Variants in CARMIL1 observed in about 807,000 individuals in gnomAD.
CARMIL1 encodes the protein F-actin-uncapping protein LRRC16A.
Under a neutral mutation model 177.1 loss-of-function variants are expected in CARMIL1, and 90 were observed. That is an observed-to-expected ratio of 0.51 (90% confidence interval 0.43 to 0.61). The LOEUF is 0.61. Among genes scored for constraint, CARMIL1 ranks in the 20% least tolerant of loss-of-function variants. CARMIL1 has a pLI of 0.00. For missense variants in CARMIL1, 1,380 were observed against 1,667.0 expected (o/e 0.83, Z 3.00); for synonymous variants, 577 against 606.2 (o/e 0.95, Z 0.71).
rs957762010 is a variant in CARMIL1 at position 25,619,314 on chromosome 6, T to A, written c.3980-133T>A. 1.8e-5 allele frequency: 13 copies of A among 736,564 alleles called. No homozygotes were observed. In the African/African-American group the frequency reaches 2.4e-4, roughly 13 times the overall value. 45.6% of individuals were successfully genotyped at this position (736,564 alleles called of 1,614,324 possible). On this transcript the variant is annotated intron_variant, in intron 36 of 36. Transcript: ENST00000329474. Reference sequence around the variant, plus strand: ...GAGTCTCTAAACATAATAGCAAGTTTGTTTCTGAGAAAGTTCACCCTGGCC... The same window carrying A: ...GAGTCTCTAAACATAATAGCAAGTTAGTTTCTGAGAAAGTTCACCCTGGCC...
In CARMIL1 at chr6:25,537,957, A is replaced by G; in HGVS notation, c.2170A>G (p.Met724Val). Residue 724 changes from methionine (M) to valine (V), a missense_variant, in exon 25 of 37, where the codon ATG (methionine) becomes GTG (valine). By Grantham distance (21) the Met-to-Val change is conservative. Transcript: ENST00000329474. ...AGATTTAAAATCAGCAGAGCGGCTC[A>G]TGCGTGATGCTAAGAACTCTAAAAC... ...QEDLKSAERL[M>V]RDAKNSKTLL... The G allele has an allele frequency of 6.2e-7, 1 of 1,604,306 alleles. No homozygotes were observed. The highest frequency in any genetic ancestry group is 8.5e-7 in the Non-Finnish European group (1 of 1,175,308).
intron 2 of CARMIL1, among the ~76,000 whole-genome samples, chr6:25,309,354 CAAA>C (rs70975001): frequency 0.035 from 3,029 of 85,682 alleles, 30 homozygotes; most frequent in Non-Finnish European, 0.049. Flanking sequence ...GAGTCCCTCT[CAAA>C]AAAAAAAAAA....
intron 2 of CARMIL1, among the ~76,000 whole-genome samples, chr6:25,309,955 A>G (rs1052559323): frequency 6.6e-5 from 10 of 151,736 alleles, no homozygotes; most frequent in African/African-American, 2.2e-4. Context: ...TTTTTAGTAG[A>G]GGTGGGGCTT....
intron 33 of CARMIL1, 69 bp downstream of exon 33, chr6:25,600,815 G>A (rs1355468583): frequency 1.5e-6 from 2 of 1,330,588 alleles, no homozygotes; most frequent in Non-Finnish European, 2.0e-6. Context: ...TTTTCATGGT[G>A]CATGTGATAT....
At chr6:25,592,057 T>C (rs1814365213) in intron 31 of CARMIL1, among the ~76,000 whole-genome samples, 1 of 152,132 alleles carries the variant, frequency 6.6e-6, no homozygotes, top group South Asian at 2.1e-4. Context: ...TTTGTTTGTT[T>C]GTTTGTTTCA....
rs1759643323 is a variant in CARMIL1, at chr6:25,620,368, A to ATT, written c.*786_*787dup. On this transcript the variant is annotated 3_prime_UTR_variant, in exon 37 of 37. Transcript: ENST00000329474. ...GAAGGCCTTTAATTTCTGTCTGCAT[A>ATT]TTAGCTTTTAATGTGTGATTTTAAG... is the stretch of plus-strand genomic sequence containing the variant. 6.6e-6 allele frequency: 1 copy of ATT among 152,210 alleles called. No homozygotes were observed. Among genetic ancestry groups the ATT allele is most frequent in the South Asian group, 2.1e-4 (1 of 4,834 alleles). The allele number at this position is 152,210 out of a possible 1,614,324, so 9.4% of individuals were successfully genotyped here. A position where few individuals can be genotyped will look rare whatever the true frequency, so the allele number is the denominator to read the frequency against.
intron 2 of CARMIL1, among the ~76,000 whole-genome samples, chr6:25,364,860 A>T (rs1413049509): frequency 1.3e-5 from 2 of 152,130 alleles, no homozygotes; most frequent in African/African-American, 4.8e-5. Context: ...GTAGATGAGG[A>T]AGTGAAACCC....
chr6:25,606,012 T>G lies in CARMIL1; in HGVS notation c.3635-49T>G, dbSNP rs186030445. ...TTGTACCAGACTTCTAGCTTCAAGT[T>G]ATTGGCTTCTTTGACCTTTGATTTT... On this transcript the variant is annotated intron_variant, in intron 34 of 36. Coordinates refer to ENST00000329474, the MANE Select transcript of CARMIL1 (RefSeq NM_017640.6). 3.7e-6 allele frequency: 5 copies of G among 1,364,038 alleles called. No individual in the cohort carries two copies. In the African/African-American group the frequency reaches 5.8e-5, roughly 16 times the overall value. 84.5% of individuals were successfully genotyped at this position (1,364,038 alleles called of 1,614,324 possible). A position where few individuals can be genotyped will look rare whatever the true frequency, so the allele number is the denominator to read the frequency against.
chr6:25,478,288 A>G (rs923226191), intron 11 of CARMIL1, among the ~76,000 whole-genome samples: 18 of 152,146 alleles, frequency 1.2e-4, no homozygotes, highest in Middle Eastern at 3.4e-3. Flanking sequence ...GTCTCAGTGT[A>G]TATCAGTGAG....
chr6:25,458,972 T>C (rs1023785503), intron 8 of CARMIL1, among the ~76,000 whole-genome samples: 3 of 152,132 alleles, frequency 2.0e-5, no homozygotes, highest in African/African-American at 7.2e-5. Context: ...TTATCTAACA[T>C]GACAAGTTTT....
chr6:25,459,269 T>TCTTTC lies in CARMIL1; in HGVS notation c.615-6604_615-6603insCTTTC, dbSNP rs56094712. The stretch of plus-strand genomic sequence containing the variant: ...TTCTTTCTTTCTTTCTTTCTTTCTT[T>TCTTTC]TTTTTTTTTTTAAGACAGGGTCTTG... On this transcript the variant is annotated intron_variant, in intron 8 of 36. Coordinates refer to ENST00000329474, the MANE Select transcript of CARMIL1 (RefSeq NM_017640.6). 1.8e-3 allele frequency among the ~76,000 whole-genome samples: 208 copies of TCTTTC among 117,938 alleles called. 1 individual carries two copies. The highest frequency in any genetic ancestry group is 2.3e-3 in the East Asian group (8 of 3,442). The allele number at this position is 117,938 out of a possible 152,430, so 77.4% of individuals were successfully genotyped here. A position where few individuals can be genotyped will look rare whatever the true frequency, so the allele number is the denominator to read the frequency against.
At chr6:25,468,955 C>T (rs532329351) in intron 9 of CARMIL1, among the ~76,000 whole-genome samples, 6 of 152,218 alleles carry the variant, frequency 3.9e-5, no homozygotes, top group East Asian at 1.9e-4. Flanking sequence ...TTAGGATAAT[C>T]GCTGCAAAAA....
At chr6:25,556,973 A>T in intron 29 of CARMIL1, 123 bp downstream of exon 29, 22 of 1,026,012 alleles carry the variant, frequency 2.1e-5, no homozygotes. Context: ...CCACCCTCAG[A>T]CAATTCTTTC....
intron 29 of CARMIL1, chr6:25,563,351 TAAAC>T: frequency 1.0e-6 from 1 of 985,302 alleles, no homozygotes; most frequent in Non-Finnish European, 1.2e-6. Context: ...ATTTCTGAGT[TAAAC>T]AATATTCAAA....
At chr6:25,581,980 G>T (rs1242731182) in intron 31 of CARMIL1, among the ~76,000 whole-genome samples, 6 of 152,150 alleles carry the variant, frequency 3.9e-5, no homozygotes. Flanking sequence ...TCAATTGTGT[G>T]TGCTGATGAG....
intron 2 of CARMIL1, among the ~76,000 whole-genome samples, chr6:25,358,385 A>G (rs1025428069): frequency 1.3e-5 from 2 of 152,230 alleles, no homozygotes; most frequent in Non-Finnish European, 2.9e-5. Context: ...TAAAAAGTAT[A>G]TAAGTAGACA....
chr6:25,595,517 T>C (rs1452940196), intron 32 of CARMIL1, among the ~76,000 whole-genome samples: 1 of 152,166 alleles, frequency 6.6e-6, no homozygotes, highest in Non-Finnish European at 1.5e-5. Flanking sequence ...TAGCATACTA[T>C]ACTTGGCAAA....
At chr6:25,433,093 C>T (rs936189451) in intron 4 of CARMIL1, 2 of 152,054 alleles carry the variant, frequency 1.3e-5, no homozygotes, top group Admixed American at 6.6e-5. Flanking sequence ...CACTTTGTTG[C>T]AGTCTTTACA....
At chr6:25,526,085 G>A (rs765007400) in intron 23 of CARMIL1, among the ~76,000 whole-genome samples, 5 of 151,600 alleles carry the variant, frequency 3.3e-5, no homozygotes, top group Non-Finnish European at 5.9e-5. Flanking sequence ...CGAGGCGGGC[G>A]GATCACAAGG....
Sources: gnomAD v4.1 joint callset for allele counts (sites outside exome capture counted in the v4.1 genomes callset) on GRCh38, gnomAD v4.1.1 for gene constraint, MANE v1.5 for transcripts, NCBI Gene and HGNC (gene_info 2026-07-23, HGNC 2026-07-21) for gene names.